COL13A1: variants seen among roughly 807,000 people sequenced by gnomAD.
COL13A1 encodes collagen type XIII alpha 1 chain, also known as collagen alpha-1(XIII) chain.
COL13A1 carries 89 observed loss-of-function variants against 130.9 expected under a neutral mutation model. The observed-to-expected ratio is 0.68, with a 90% CI of 0.57 to 0.81. The LOEUF is 0.81. Among genes scored for constraint, COL13A1 ranks in the 30% least tolerant of loss-of-function variants. The pLI is 0.00. For synonymous variants in COL13A1, 402 were observed against 341.6 expected, an observed-to-expected ratio of 1.18 and a Z score of -1.95; for missense variants, 879 against 934.6, an observed-to-expected ratio of 0.94 and a Z score of 0.78.
chr10:69,830,910 C>T (rs542737873), intron 2 of COL13A1, among the ~76,000 whole-genome samples: 5 of 152,240 alleles, frequency 3.3e-5, no homozygotes, highest in Admixed American at 1.3e-4. Context: ...GCCCGCCCTC[C>T]GACCCCCAGC....
At chr10:69,867,864 C>G in intron 3 of COL13A1, 59 bp downstream of exon 3, 1 of 717,608 alleles carries the variant, frequency 1.4e-6, no homozygotes, top group Non-Finnish European at 2.6e-6. Context: ...CTGCTGGTAA[C>G]GGGGTTCTGG....
At chr10:69,826,149 C>T (rs988166356) in intron 2 of COL13A1, among the ~76,000 whole-genome samples, 1 of 152,190 alleles carries the variant, frequency 6.6e-6, no homozygotes, top group African/African-American at 2.4e-5. Flanking sequence ...TTCTTATTAA[C>T]AAATGAGGAG....
intron 33 of COL13A1, 36 bp downstream of exon 33, chr10:69,936,818 G>A (rs1294776713): frequency 1.2e-6 from 2 of 1,613,384 alleles, no homozygotes; most frequent in Non-Finnish European, 1.7e-6. Context: ...CTGTGTCAGT[G>A]CTAGTAGAAA....
chr10:69,814,110 A>C (rs1843783963), intron 1 of COL13A1, among the ~76,000 whole-genome samples: 1 of 152,244 alleles, frequency 6.6e-6, no homozygotes, highest in South Asian at 2.1e-4. Context: ...GATGATCAAA[A>C]GGCCTCTAGC....
At chr10:69,927,247 G>A in intron 27 of COL13A1, 137 bp downstream of exon 27, 1 of 1,378,378 alleles carries the variant, frequency 7.3e-7, no homozygotes, top group Non-Finnish European at 1.0e-6. Flanking sequence ...CAACAGGGCT[G>A]GGGCAGATGA....
intron 1 of COL13A1, among the ~76,000 whole-genome samples, chr10:69,805,438 T>C (rs1841304718): frequency 6.6e-6 from 1 of 152,160 alleles, no homozygotes; most frequent in African/African-American, 2.4e-5. Context: ...TGTGGGGGCC[T>C]TGTCTGTGCT....
At chr10:69,921,690 G>A (rs1036853235) in intron 21 of COL13A1, among the ~76,000 whole-genome samples, 192 bp from the exon 22 acceptor site, 2 of 152,212 alleles carry the variant, frequency 1.3e-5, no homozygotes, top group East Asian at 1.9e-4. Flanking sequence ...TCACCAACGC[G>A]AAGTGACCCA....
At position 69,837,335 on chromosome 10, in the gene COL13A1, A is replaced by G. The variant is rs142613350; in HGVS notation, c.364+14897A>G. Among the ~76,000 whole-genome samples, 183 of 152,268 alleles carry G rather than the reference A, an allele frequency of 1.2e-3. 1 individual carries two copies. Among genetic ancestry groups the G allele is most frequent in the African/African-American group, 4.0e-3 (166 of 41,558 alleles). On this transcript the variant is annotated intron_variant, in intron 2 of 40. Coordinates refer to ENST00000645393, the MANE Select transcript of COL13A1 (RefSeq NM_001368882.1). ...GCTTGACCACATCAGCTCCAGCTGT[A>G]TCATTCTTTGCTCATTGGCACTCAG...
chr10:69,856,598 C>T (rs1052403767), intron 2 of COL13A1, among the ~76,000 whole-genome samples: 5 of 152,198 alleles, frequency 3.3e-5, no homozygotes, highest in Non-Finnish European at 7.3e-5. Flanking sequence ...ATTTTGATGT[C>T]GTGGGGTTGT....
rs79136046 is a variant in COL13A1 at position 69,895,221 on chromosome 10, G to T, written c.658-329G>T. Among the ~76,000 whole-genome samples, 16 of 152,342 alleles carry T rather than the reference G, an allele frequency of 1.1e-4. No homozygotes were observed. The East Asian group carries it at 3.1e-3, about 29-fold the overall frequency. On this transcript the variant is annotated intron_variant, in intron 12 of 40. Transcript: ENST00000645393. ...CGGTGGCTCCTGTTCAGGGCTGTCT[G>T]GTGGGCCTGCCTAGAGGGTCAACCT...
intron 2 of COL13A1, among the ~76,000 whole-genome samples, chr10:69,830,744 G>A (rs984100951): frequency 3.3e-5 from 5 of 152,164 alleles, no homozygotes; most frequent in African/African-American, 9.7e-5. Flanking sequence ...TTATTGCGAT[G>A]TAATTCCCAT....
intron 2 of COL13A1, among the ~76,000 whole-genome samples, chr10:69,851,833 T>C (rs761322072): frequency 1.3e-5 from 2 of 152,136 alleles, no homozygotes; most frequent in Non-Finnish European, 2.9e-5. Flanking sequence ...TTTTGTATTT[T>C]TAGTAGAGGT....
chr10:69,836,983 A>C (rs1589346278), intron 2 of COL13A1, among the ~76,000 whole-genome samples: 1 of 152,026 alleles, frequency 6.6e-6, no homozygotes, highest in South Asian at 2.1e-4. Context: ...GGCGGGTCCC[A>C]ACCTCCCAGG....
chr10:69,888,549 C>T (rs1043906737), intron 9 of COL13A1, among the ~76,000 whole-genome samples: 4 of 152,156 alleles, frequency 2.6e-5, no homozygotes, highest in Admixed American at 1.3e-4. Flanking sequence ...GCTTGGCTTT[C>T]GAAGTCCAGG....
chr10:69,809,230 A>C (rs1381943923), intron 1 of COL13A1, among the ~76,000 whole-genome samples: 1 of 152,252 alleles, frequency 6.6e-6, no homozygotes, highest in African/African-American at 2.4e-5. Flanking sequence ...GGGTTGTTGT[A>C]GGATTAAATG....
rs770150592 is a variant in COL13A1 at position 69,895,586 on chromosome 10, C to G, written c.684+10C>G. ...AGAGTACCCACACCGGGTAAGTGAACCCCTAAAATTTAGCAGGGCACTTTG... is the reference window on the plus strand; with the variant it reads ...AGAGTACCCACACCGGGTAAGTGAAGCCCTAAAATTTAGCAGGGCACTTTG... On this transcript the variant is annotated intron_variant, in intron 13 of 40. Transcript: ENST00000645393. The G allele has an allele frequency of 3.1e-6, 5 of 1,613,870 alleles. No individual in the cohort carries two copies. The highest frequency in any genetic ancestry group is 3.3e-5 in the Admixed American group (2 of 60,022).
At chr10:69,864,396 G>T (rs1589150845) in intron 2 of COL13A1, among the ~76,000 whole-genome samples, 1 of 152,132 alleles carries the variant, frequency 6.6e-6, no homozygotes, top group African/African-American at 2.4e-5. Context: ...GTTTGTTTTA[G>T]TTCTCATCAC....
At chr10:69,933,057 ACC>A (rs1409787614) in intron 31 of COL13A1, among the ~76,000 whole-genome samples, 1 of 141,094 alleles carries the variant, frequency 7.1e-6, no homozygotes, top group East Asian at 2.3e-4. Context: ...AATCACGTGA[ACC>A]CAGGAGGCAG....
chr10:69,897,379 G>A, intron 13 of COL13A1: 1 of 1,283,388 alleles, frequency 7.8e-7, no homozygotes, highest in Non-Finnish European at 1.1e-6. Context: ...GGAGGGAGAG[G>A]AGAGGGGTGG....
Sources: allele counts gnomAD v4.1 joint callset (sites outside exome capture counted in the v4.1 genomes callset), GRCh38; gene constraint gnomAD v4.1.1; transcripts MANE v1.5; gene names NCBI Gene and HGNC (gene_info 2026-07-23, HGNC 2026-07-21).